NHLRC1: variants seen among roughly 807,000 people sequenced by gnomAD.
The protein encoded by NHLRC1 is NHL repeat containing E3 ubiquitin protein ligase 1, also known as E3 ubiquitin-protein ligase NHLRC1.
A neutral mutation model predicts 14.6 loss-of-function variants in NHLRC1; 10 were observed. That is an observed-to-expected ratio of 0.69 (90% CI 0.42 to 1.17). The LOEUF (loss-of-function observed/expected upper bound fraction) is 1.17, where lower values mean the gene tolerates loss of function less well. Ranked by LOEUF, NHLRC1 falls within the 50% of genes most tolerant of loss-of-function variation. The probability of loss-of-function intolerance (pLI) is 0.00; values close to 1 mark genes in which losing one functional copy is unlikely to be tolerated. For synonymous variants in NHLRC1, 231 were observed against 224.0 expected (o/e 1.03, Z -0.28); for missense variants, 526 against 522.9 (o/e 1.01, Z -0.06).
In NHLRC1 at chr6:18,122,421, G is replaced by T; in HGVS notation, c.186C>A (p.Arg62=). 1.9e-6 allele frequency: 3 copies of T among 1,590,046 alleles called. No individual in the cohort carries two copies. The highest frequency in any genetic ancestry group is 2.6e-6 in the Non-Finnish European group (3 of 1,176,334). The part of the protein sequence containing the change: ...LACVAALAHP[R]TLALECPFCR... ...AGAATGGGCACTCGAGGGCCAGAGT[G>T]CGCGGGTGCGCCAGGGCGGCCACGC... The change falls in exon 1 of 1, where the codon CGC becomes CGA. Residue 62 remains arginine (R), a synonymous_variant. Transcript: ENST00000340650.
Position 18,122,305 on chromosome 6 carries a change from G to A in NHLRC1, c.302C>T (p.Pro101Leu), listed in dbSNP as rs1398380611. Residue 101 changes from proline to leucine, a missense_variant, in exon 1 of 1, where the codon CCG (proline) becomes CTG (leucine). By Grantham distance (98) the Pro-to-Leu change is moderately conservative (BLOSUM62 -3). Coordinates refer to ENST00000340650, the MANE Select transcript of NHLRC1 (RefSeq NM_198586.3). ...GCTGGGGGCGGCGCGATGGGCGGCC[G>A]GGGACTGGCGAAGCGCTGAGCCCAG... ...ELLGSALRQS[P>L]AAHRAAPSAP... is the part of the protein sequence containing the mutation. 1 of 1,588,472 alleles carries A rather than the reference G, an allele frequency of 6.3e-7. No individual in the cohort carries two copies. Among genetic ancestry groups the A allele is most frequent in the Middle Eastern group, 1.7e-4 (1 of 5,938 alleles).
rs1190250984 is a variant in NHLRC1, at chr6:18,120,571, A to G, written c.*848T>C. On this transcript the variant is annotated 3_prime_UTR_variant, in exon 1 of 1. Transcript: ENST00000340650. The stretch of plus-strand genomic sequence containing the variant: ...CAACAGTAACTTCATCTAATGTGCC[A>G]TCAGAGCAGTCGCAAATTGAATGAA... 6.6e-6 allele frequency: 1 copy of G among 152,242 alleles called. No individual in the cohort carries two copies. The highest frequency in any genetic ancestry group is 2.4e-5 in the African/African-American group (1 of 41,466). 9.4% of individuals were successfully genotyped at this position (152,242 alleles called of 1,614,324 possible).
In NHLRC1 at chr6:18,121,885, A is replaced by T. The variant is rs1783741353; in HGVS notation, c.722T>A (p.Leu241His). Residue 241 changes from leucine to histidine, a missense_variant, in exon 1 of 1, where the codon CTC (leucine) becomes CAC (histidine). By Grantham distance (99) the Leu-to-His change is moderately conservative. Coordinates refer to ENST00000340650, the MANE Select transcript of NHLRC1 (RefSeq NM_198586.3). The surrounding 1 kb of genome is among the most constrained non-coding windows in gnomAD (Gnocchi z 4.7). Reference sequence around the variant, plus strand: ...CCCTTCCGCGAAGTCGACGTCCAGGAGGTGCAGGGACCCTGCCTCCGCATC... The same window carrying T: ...CCCTTCCGCGAAGTCGACGTCCAGGTGGTGCAGGGACCCTGCCTCCGCATC... ...VTDAEAGSLH[L>H]LDVDFAEGVL... The T allele has an allele frequency of 6.2e-7, 1 of 1,614,144 alleles. No homozygotes were observed.
chr6:18,121,411 C>T lies in NHLRC1; in HGVS notation c.*8G>A, dbSNP rs1378248073. The T allele has an allele frequency of 6.2e-7, 1 of 1,609,596 alleles. No homozygotes were observed. Among genetic ancestry groups the T allele is most frequent in the South Asian group, 1.1e-5 (1 of 90,906 alleles). On this transcript the variant is annotated 3_prime_UTR_variant, in exon 1 of 1. Coordinates refer to ENST00000340650, the MANE Select transcript of NHLRC1 (RefSeq NM_198586.3). This position sits in a 1 kb window ranked among gnomAD's most constrained non-coding sequence, Gnocchi z 4.7. ...GTGCTTCTGATTCCAGGGACCCACC[C>T]CAGCCCATCACCCCCAGTCAACTTT... is the stretch of plus-strand genomic sequence containing the variant.
In NHLRC1 at chr6:18,122,149, A is replaced by C. The variant is rs756277884; in HGVS notation, c.458T>G (p.Ile153Ser). The C allele has an allele frequency of 6.2e-7, 1 of 1,613,778 alleles. No individual in the cohort carries two copies. Among genetic ancestry groups the C allele is most frequent in the Non-Finnish European group, 8.5e-7 (1 of 1,179,990 alleles). The change falls in exon 1 of 1, where the codon ATT becomes AGT. Residue 153 changes from isoleucine (I) to serine (S), a missense_variant. Transcript: ENST00000340650. ...VVHDGRRRVK[I>S]FDSGGGCAHQ... ...CGCGCATCCTCCCCCTGAGTCAAAA[A>C]TCTTGACACGCCTCCTGCCGTCGTG...
Position 18,120,798 on chromosome 6 carries a change from A to T in NHLRC1, c.*621T>A, listed in dbSNP as rs10949481. ...CAGAATTGAATTCAAATTGGGACTA[A>T]GGCAGTAAGTAACTATGACCTCGAG... On this transcript the variant is annotated 3_prime_UTR_variant, in exon 1 of 1. Transcript: ENST00000340650. 12,511 of 153,632 alleles carry T rather than the reference A, an allele frequency of 0.081. 852 individuals are homozygous for T. Among genetic ancestry groups the T allele is most frequent in the African/African-American group, 0.19 (7,870 of 41,546 alleles). The allele number at this position is 153,632 out of a possible 1,614,324, so 9.5% of individuals were successfully genotyped here. A position where few individuals can be genotyped will look rare whatever the true frequency, so the allele number is the denominator to read the frequency against.
rs1448014629 is a variant in NHLRC1, at chr6:18,122,236, C to G, written c.371G>C (p.Gly124Ala). ...LTCHHTFGGW[G>A]TLVNPTGLAL... ...CAGTCCGGTGGGGTTGACCAGGGTC[C>G]CCCAGCCGCCGAAGGTGTGGTGGCA... Residue 124 changes from glycine (G) to alanine (A), a missense_variant, in exon 1 of 1, where the codon GGG becomes GCG. Physicochemically the swap from Gly to Ala is moderately conservative, Grantham distance 60. Coordinates refer to ENST00000340650, the MANE Select transcript of NHLRC1 (RefSeq NM_198586.3). The G allele has an allele frequency of 1.2e-6, 2 of 1,610,650 alleles. No homozygotes were observed. The highest frequency in any genetic ancestry group is 1.7e-6 in the Non-Finnish European group (2 of 1,179,914).
Position 18,121,998 on chromosome 6 carries a change from A to G in NHLRC1, c.609T>C (p.Phe203=), listed in dbSNP as rs781332789. 6.2e-7 allele frequency: 1 copy of G among 1,614,234 alleles called. No individual in the cohort carries two copies. The highest frequency in any genetic ancestry group is 1.1e-5 in the South Asian group (1 of 91,084). The change falls in exon 1 of 1, where the codon TTT becomes TTC. Residue 203 remains phenylalanine (F), a synonymous_variant. Coordinates refer to ENST00000340650, the MANE Select transcript of NHLRC1 (RefSeq NM_198586.3). This position sits in a 1 kb window ranked among gnomAD's most constrained non-coding sequence, Gnocchi z 4.7. ...AGDRSIKVFD[F]FGQIKLVIGG... is the part of the protein sequence containing the mutation. Reference sequence around the variant, plus strand: ...CAATGACAAGCTTGATCTGGCCAAAAAAATCAAACACTTTGATGGAGCGAT... The same window carrying G: ...CAATGACAAGCTTGATCTGGCCAAAGAAATCAAACACTTTGATGGAGCGAT...
At position 18,121,273 on chromosome 6, in the gene NHLRC1, C is replaced by T; in HGVS notation, c.*146G>A. 1 of 670,822 alleles carries T rather than the reference C, an allele frequency of 1.5e-6. No individual in the cohort carries two copies. Among genetic ancestry groups the T allele is most frequent in the Non-Finnish European group, 2.6e-6 (1 of 385,916 alleles). The allele number at this position is 670,822 out of a possible 1,614,324, so 41.6% of individuals were successfully genotyped here. On this transcript the variant is annotated 3_prime_UTR_variant, in exon 1 of 1. Transcript: ENST00000340650. This position sits in a 1 kb window ranked among gnomAD's most constrained non-coding sequence, Gnocchi z 4.7. ...ATTCAATAAATGGTAGATTAATCTC[C>T]AATAACTGTCCCAAGCTTTGTAAGT... is the stretch of plus-strand genomic sequence containing the variant.
rs1783749530 is a variant in NHLRC1 at position 18,122,199 on chromosome 6, G to A, written c.408C>T (p.Pro136=). ...GCACCACCACGACACGCCCCGTCTTGGGACAAAGCGCCAGTCCGGTGGGGT... is the reference window on the plus strand; with the variant it reads ...GCACCACCACGACACGCCCCGTCTTAGGACAAAGCGCCAGTCCGGTGGGGT... ...LVNPTGLALC[P]KTGRVVVVHD... The change falls in exon 1 of 1, where the codon CCC becomes CCT. Residue 136 remains proline (P), a synonymous_variant. Coordinates refer to ENST00000340650, the MANE Select transcript of NHLRC1 (RefSeq NM_198586.3). The A allele has an allele frequency of 6.2e-7, 1 of 1,613,468 alleles. No homozygotes were observed. Among genetic ancestry groups the A allele is most frequent in the East Asian group, 2.2e-5 (1 of 44,860 alleles).
Position 18,121,910 on chromosome 6 carries a change from CAGTTACCACAA to C in NHLRC1, c.686_696del (p.Ile229ArgfsTer23). 6.2e-7 allele frequency: 1 copy of C among 1,614,198 alleles called. No individual in the cohort carries two copies. The highest frequency in any genetic ancestry group is 1.7e-5 in the Admixed American group (1 of 60,034). On this transcript the variant is annotated frameshift_variant, in exon 1 of 1. Coordinates refer to ENST00000340650, the MANE Select transcript of NHLRC1 (RefSeq NM_198586.3). LOFTEE classifies it high-confidence loss of function. The surrounding 1 kb of genome is among the most constrained non-coding windows in gnomAD (Gnocchi z 4.7). ...AGGTGCAGGGACCCTGCCTCCGCAT[CAGTTACCACAA>C]TCCCATTCTGAGGGGTGGTCTCCAC...
Position 18,121,092 on chromosome 6 carries a change from C to G in NHLRC1, c.*327G>C, listed in dbSNP as rs375143655. The G allele has an allele frequency of 3.0e-6, 1 of 330,888 alleles. No homozygotes were observed. The highest frequency in any genetic ancestry group is 2.1e-5 in the African/African-American group (1 of 47,052). 20.5% of individuals were successfully genotyped at this position (330,888 alleles called of 1,614,324 possible). On this transcript the variant is annotated 3_prime_UTR_variant, in exon 1 of 1. Coordinates refer to ENST00000340650, the MANE Select transcript of NHLRC1 (RefSeq NM_198586.3). This position sits in a 1 kb window ranked among gnomAD's most constrained non-coding sequence, Gnocchi z 4.7. ...GGCTGAGGTGGAAGGACCACCTGAGCGGGGGACGTTGAAACTGTAGTGAGC... is the reference window on the plus strand; with the variant it reads ...GGCTGAGGTGGAAGGACCACCTGAGGGGGGGACGTTGAAACTGTAGTGAGC...
rs140164729 is a variant in NHLRC1 at position 18,121,802 on chromosome 6, C to T, written c.805G>A (p.Val269Met). 16 of 1,613,942 alleles carry T rather than the reference C, an allele frequency of 9.9e-6. No individual in the cohort carries two copies. The African/African-American group carries it at 1.6e-4, about 16-fold the overall frequency. Residue 269 changes from valine (V) to methionine (M), a missense_variant, in exon 1 of 1, where the codon GTG (valine) becomes ATG (methionine). By Grantham distance (21) the Val-to-Met change is conservative (BLOSUM62 1). Coordinates refer to ENST00000340650, the MANE Select transcript of NHLRC1 (RefSeq NM_198586.3). This position sits in a 1 kb window ranked among gnomAD's most constrained non-coding sequence, Gnocchi z 4.7. ...AHLCNPRGVA[V>M]SWLTGAIAVL... ...GCAATGGCCCCGGTGAGCCAAGACA[C>T]TGCCACCCCTCGGGGATTGCACAGA...
Position 18,121,424 on chromosome 6 carries a change from C to A in NHLRC1, c.1183G>T (p.Gly395Trp), listed in dbSNP as rs753959228. The A allele has an allele frequency of 3.1e-6, 5 of 1,612,934 alleles. No individual in the cohort carries two copies. The East Asian group carries it at 1.1e-4, about 36-fold the overall frequency. Residue 395 changes from glycine (G) to tryptophan (W), a missense_variant, in exon 1 of 1, where the codon GGG (glycine) becomes TGG (tryptophan). Transcript: ENST00000340650. This position sits in a 1 kb window ranked among gnomAD's most constrained non-coding sequence, Gnocchi z 4.7. The part of the protein sequence containing the change: ...HSIKVYKVDW[G>W] ...CAGGGACCCACCCCAGCCCATCACCCCCAGTCAACTTTATAGACTTTTATA... is the reference window on the plus strand; with the variant it reads ...CAGGGACCCACCCCAGCCCATCACCACCAGTCAACTTTATAGACTTTTATA...
rs1783754730 is a variant in NHLRC1 at position 18,122,352 on chromosome 6, C to A, written c.255G>T (p.Pro85=). The A allele has an allele frequency of 1.3e-6, 2 of 1,573,436 alleles. No individual in the cohort carries two copies. The highest frequency in any genetic ancestry group is 2.2e-5 in the South Asian group (2 of 89,148). ...CCAGGAGCTCTATGAGGTGCAGCACCGGCAGGCAGTCGCTGGTGTCGCAGC... is the reference window on the plus strand; with the variant it reads ...CCAGGAGCTCTATGAGGTGCAGCACAGGCAGGCAGTCGCTGGTGTCGCAGC... The part of the protein sequence containing the change: ...CRGCDTSDCL[P]VLHLIELLGS... The change falls in exon 1 of 1, where the codon CCG becomes CCT. Residue 85 remains proline, a synonymous_variant. Transcript: ENST00000340650.
In NHLRC1 at chr6:18,120,973, C is replaced by A; in HGVS notation, c.*446G>T. The A allele has an allele frequency of 5.1e-6, 1 of 196,212 alleles. No homozygotes were observed. The highest frequency in any genetic ancestry group is 1.1e-5 in the Non-Finnish European group (1 of 94,558). 12.2% of individuals were successfully genotyped at this position (196,212 alleles called of 1,614,324 possible). A position where few individuals can be genotyped will look rare whatever the true frequency, so the allele number is the denominator to read the frequency against. ...ATTGCTTGAACTCAGGAGTTTGAGA[C>A]CAGCCTGGGCAACATGGTGAAACCC... On this transcript the variant is annotated 3_prime_UTR_variant, in exon 1 of 1. Coordinates refer to ENST00000340650, the MANE Select transcript of NHLRC1 (RefSeq NM_198586.3).
rs1405169943 is a variant in NHLRC1, at chr6:18,122,486, G to A, written c.121C>T (p.Pro41Ser). 6.3e-7 allele frequency: 1 copy of A among 1,597,086 alleles called. No homozygotes were observed. The highest frequency in any genetic ancestry group is 1.7e-5 in the Admixed American group (1 of 59,986). Residue 41 changes from proline (P) to serine (S), a missense_variant, in exon 1 of 1, where the codon CCG becomes TCG. Coordinates refer to ENST00000340650, the MANE Select transcript of NHLRC1 (RefSeq NM_198586.3). Reference sequence around the variant, plus strand: ...ACGTGGCCGCAGGACAGGTTGCGCGGGCGCCGCTGCTGCCGGTGGCCAAAC... The same window carrying A: ...ACGTGGCCGCAGGACAGGTTGCGCGAGCGCCGCTGCTGCCGGTGGCCAAAC... Reference protein sequence around the residue: ...EKFGHRQQRRPRNLSCGHVVC... With the variant: ...EKFGHRQQRRSRNLSCGHVVC...
Position 18,121,409 on chromosome 6 carries a change from C to A in NHLRC1, c.*10G>T, listed in dbSNP as rs772972107. On this transcript the variant is annotated 3_prime_UTR_variant, in exon 1 of 1. Transcript: ENST00000340650. This position sits in a 1 kb window ranked among gnomAD's most constrained non-coding sequence, Gnocchi z 4.7. ...TAGTGCTTCTGATTCCAGGGACCCACCCCAGCCCATCACCCCCAGTCAACT... is the reference window on the plus strand; with the variant it reads ...TAGTGCTTCTGATTCCAGGGACCCAACCCAGCCCATCACCCCCAGTCAACT... 4.4e-6 allele frequency: 7 copies of A among 1,607,338 alleles called. No individual in the cohort carries two copies. The highest frequency in any genetic ancestry group is 4.5e-5 in the East Asian group (2 of 44,818).
Position 18,121,373 on chromosome 6 carries a change from A to T in NHLRC1, c.*46T>A. On this transcript the variant is annotated 3_prime_UTR_variant, in exon 1 of 1. Coordinates refer to ENST00000340650, the MANE Select transcript of NHLRC1 (RefSeq NM_198586.3). This position sits in a 1 kb window ranked among gnomAD's most constrained non-coding sequence, Gnocchi z 4.7. ...CTTATCCAGGGTTAAACAATTCATT[A>T]ATGGCAGCACTAGTGCTTCTGATTC... 1 of 1,391,972 alleles carries T rather than the reference A, an allele frequency of 7.2e-7. No individual in the cohort carries two copies. Among genetic ancestry groups the T allele is most frequent in the Non-Finnish European group, 1.0e-6 (1 of 979,058 alleles). The allele number at this position is 1,391,972 out of a possible 1,614,324, so 86.2% of individuals were successfully genotyped here.
Sources: allele counts gnomAD v4.1 joint callset, GRCh38; gene constraint gnomAD v4.1.1; non-coding constraint Gnocchi (gnomAD v3.1); transcripts MANE v1.5; gene names NCBI Gene and HGNC (gene_info 2026-07-23, HGNC 2026-07-21).